CNTN5: variants seen among roughly 807,000 people sequenced by gnomAD.
The protein encoded by CNTN5 is contactin-5.
A neutral mutation model predicts 129.1 loss-of-function variants in CNTN5; 77 were observed. The ratio of observed to expected loss-of-function variants is 0.60; its 90% CI spans 0.50 to 0.72. CNTN5 has a LOEUF of 0.72. Ranked by LOEUF, CNTN5 falls within the 30% of genes least tolerant of loss-of-function variation. The pLI, the probability that CNTN5 is intolerant of heterozygous loss-of-function variation, is 0.00. For missense variants in CNTN5, 1,478 were observed against 1,328.8 expected, an observed-to-expected ratio of 1.11 and a Z score of -1.75; for synonymous variants, 509 against 465.6, an observed-to-expected ratio of 1.09 and a Z score of -1.20.
At chr11:99,470,701 G>A (rs953528757) in intron 2 of CNTN5, among the ~76,000 whole-genome samples, 3 of 152,062 alleles carry the variant, frequency 2.0e-5, no homozygotes, top group African/African-American at 7.2e-5. Flanking sequence ...AAAAGGAAAT[G>A]TTCCAATTAT....
intron 13 of CNTN5, among the ~76,000 whole-genome samples, chr11:100,173,378 C>T (rs1256994385): frequency 2.6e-5 from 4 of 152,036 alleles, no homozygotes; most frequent in Admixed American, 6.6e-5. Context: ...ATTATAAAAC[C>T]AGTATTTTAT....
At chr11:99,037,422 A>C (rs762379269) in intron 1 of CNTN5, among the ~76,000 whole-genome samples, 2 of 152,070 alleles carry the variant, frequency 1.3e-5, no homozygotes, top group Non-Finnish European at 2.9e-5. Context: ...ACTCTTTTCT[A>C]GGCTCCTTTG....
chr11:99,325,860 A>G (rs1052404916), intron 2 of CNTN5, among the ~76,000 whole-genome samples: 1 of 152,194 alleles, frequency 6.6e-6, no homozygotes, highest in Non-Finnish European at 1.5e-5. Flanking sequence ...CAACCGACAT[A>G]TAATGTGCTA....
intron 9 of CNTN5, among the ~76,000 whole-genome samples, chr11:100,052,062 T>G (rs1282417639): frequency 6.6e-5 from 10 of 151,920 alleles, no homozygotes; most frequent in Admixed American, 6.6e-4. Flanking sequence ...ATCTCAGGAA[T>G]GTACAGTGTT....
chr11:99,287,323 C>G (rs1263408705), intron 1 of CNTN5, among the ~76,000 whole-genome samples: 4 of 151,906 alleles, frequency 2.6e-5, no homozygotes, highest in Non-Finnish European at 5.9e-5. Flanking sequence ...GTGAAGATGC[C>G]TCCTTGAGAT....
chr11:100,340,522 G>C lies in CNTN5; in HGVS notation c.2790G>C (p.Gly930=), dbSNP rs1214470987. Residue 930 remains glycine (G), a synonymous_variant, in exon 22 of 25, where the codon GGG becomes GGC. Transcript: ENST00000524871. ...EDTAETVKTR[G]NESFVILTGL... is the part of the protein sequence containing the mutation. ...CAGCAGAAACAGTCAAAACTAGAGG[G>C]AATGAGTCTTTCGTCATCCTAACAG... 6.2e-7 allele frequency: 1 copy of C among 1,613,154 alleles called. No homozygotes were observed. The highest frequency in any genetic ancestry group is 1.7e-4 in the Middle Eastern group (1 of 6,054).
chr11:99,506,366 T>G (rs537102090), intron 2 of CNTN5, among the ~76,000 whole-genome samples: 2 of 152,382 alleles, frequency 1.3e-5, no homozygotes, highest in African/African-American at 4.8e-5. Context: ...TCTTGCTCTC[T>G]GTTTACAATG....
chr11:100,346,890 C>T (rs557861562), intron 23 of CNTN5, among the ~76,000 whole-genome samples: 46 of 152,174 alleles, frequency 3.0e-4, no homozygotes, highest in South Asian at 1.7e-3. Flanking sequence ...ACGATCACGG[C>T]GGAAGGTGAA....
At chr11:100,196,102 G>T (rs1446012275) in intron 15 of CNTN5, among the ~76,000 whole-genome samples, 1 of 151,826 alleles carries the variant, frequency 6.6e-6, no homozygotes, top group Non-Finnish European at 1.5e-5. Context: ...ATCTCCTAAG[G>T]TGTCTAACTT....
chr11:100,290,944 A>G (rs1419713479), intron 18 of CNTN5, among the ~76,000 whole-genome samples: 15 of 151,940 alleles, frequency 9.9e-5, no homozygotes, highest in East Asian at 5.8e-4. Flanking sequence ...AACAGTGGGC[A>G]AAGGACATGA....
chr11:99,697,197 T>G (rs899996471), intron 3 of CNTN5, among the ~76,000 whole-genome samples: 1 of 151,966 alleles, frequency 6.6e-6, no homozygotes, highest in African/African-American at 2.4e-5. Flanking sequence ...AAATAAATTA[T>G]GTAGCTGTTC....
intron 2 of CNTN5, among the ~76,000 whole-genome samples, chr11:99,330,746 A>G (rs1865967191): frequency 1.3e-5 from 2 of 152,040 alleles, no homozygotes; most frequent in South Asian, 4.1e-4. Flanking sequence ...TTCTGCAATG[A>G]CCCACTCTTT....
chr11:99,469,585 G>A (rs1234610618), intron 2 of CNTN5, among the ~76,000 whole-genome samples: 1 of 151,988 alleles, frequency 6.6e-6, no homozygotes, highest in Non-Finnish European at 1.5e-5. Context: ...AGTTTAAACA[G>A]AGTATGCACG....
At chr11:99,530,286 T>A (rs959713856) in intron 2 of CNTN5, among the ~76,000 whole-genome samples, 27 of 152,226 alleles carry the variant, frequency 1.8e-4, no homozygotes, top group Admixed American at 1.5e-3. Flanking sequence ...GCAATCAGTC[T>A]GTATTAAAAA....
intron 2 of CNTN5, among the ~76,000 whole-genome samples, chr11:99,512,338 C>A (rs7952681): frequency 0.058 from 8,791 of 152,190 alleles, 265 homozygotes; most frequent in South Asian, 0.08. Flanking sequence ...AGGCTATGTC[C>A]CATAAAGCCT....
intron 2 of CNTN5, among the ~76,000 whole-genome samples, chr11:99,340,493 T>C (rs1429660780): frequency 6.6e-6 from 1 of 152,120 alleles, no homozygotes; most frequent in Non-Finnish European, 1.5e-5. Flanking sequence ...AAGTGAAGAA[T>C]GGTGATGTAG....
At chr11:99,514,731 T>C (rs563652917) in intron 2 of CNTN5, among the ~76,000 whole-genome samples, 88 of 152,258 alleles carry the variant, frequency 5.8e-4, no homozygotes, top group African/African-American at 2.1e-3. Flanking sequence ...GACTTCAGTG[T>C]AGTATAAAAA....
chr11:99,411,563 G>A (rs1203921239), intron 2 of CNTN5, among the ~76,000 whole-genome samples: 1 of 152,080 alleles, frequency 6.6e-6, no homozygotes, highest in African/African-American at 2.4e-5. Flanking sequence ...AAAAAAATTA[G>A]AAAGAAGCTC....
At chr11:100,005,432 A>G (rs1426792643) in intron 9 of CNTN5, among the ~76,000 whole-genome samples, 2 of 151,258 alleles carry the variant, frequency 1.3e-5, no homozygotes, top group Admixed American at 6.6e-5. Context: ...CCATTCTCCA[A>G]CTCTCTTTTT....
Sources: gnomAD v4.1 joint callset for allele counts (sites outside exome capture counted in the v4.1 genomes callset) on GRCh38, gnomAD v4.1.1 for gene constraint, MANE v1.5 for transcripts, NCBI Gene and HGNC (gene_info 2026-07-23, HGNC 2026-07-21) for gene names.